Variants in DLG2 observed in about 807,000 individuals in gnomAD.
DLG2 encodes disks large homolog 2.
DLG2 carries 45 observed loss-of-function variants against 132.5 expected under a neutral mutation model. The ratio of observed to expected loss-of-function variants is 0.34; its 90% CI spans 0.27 to 0.44. DLG2 has a LOEUF of 0.44. Ranked by LOEUF, DLG2 falls within the 20% of genes least tolerant of loss-of-function variation. The pLI is 1.00. For synonymous variants in DLG2, 424 were observed against 419.6 expected, an observed-to-expected ratio of 1.01 and a Z score of -0.13; for missense variants, 1,045 against 1,196.9, an observed-to-expected ratio of 0.87 and a Z score of 1.87.
intron 3 of DLG2, among the ~76,000 whole-genome samples, chr11:85,384,460 T>A (rs900971059): frequency 6.6e-6 from 1 of 152,164 alleles, no homozygotes. Flanking sequence ...AAAAAGCTAG[T>A]TACTTAACTT....
intron 3 of DLG2, among the ~76,000 whole-genome samples, chr11:85,451,882 G>A (rs925103481): frequency 6.6e-6 from 1 of 151,976 alleles, no homozygotes; most frequent in Non-Finnish European, 1.5e-5. Flanking sequence ...ATATTGCTCT[G>A]TCATGGAAAT....
intron 14 of DLG2, among the ~76,000 whole-genome samples, chr11:83,951,978 G>A (rs779711325): frequency 3.9e-5 from 6 of 151,990 alleles, no homozygotes; most frequent in South Asian, 2.1e-4. Context: ...TATGAAAGGC[G>A]GAAAAAAAGA....
chr11:85,484,450 C>T (rs2093379818), intron 3 of DLG2, among the ~76,000 whole-genome samples: 1 of 151,110 alleles, frequency 6.6e-6, no homozygotes, highest in Non-Finnish European at 1.5e-5. Context: ...GCAACCTACT[C>T]ATCTGACAAA....
chr11:84,384,638 T>C (rs866403731), intron 7 of DLG2, among the ~76,000 whole-genome samples: 1 of 152,026 alleles, frequency 6.6e-6, no homozygotes, highest in Non-Finnish European at 1.5e-5. Context: ...TAATGAATTA[T>C]AGCCAATGAC....
intron 6 of DLG2, among the ~76,000 whole-genome samples, chr11:85,091,561 G>A (rs979259316): frequency 1.3e-5 from 2 of 152,088 alleles, no homozygotes; most frequent in African/African-American, 4.8e-5. Flanking sequence ...AACTTCTTTG[G>A]GAATTGGAGT....
At chr11:85,407,602 C>A (rs931477716) in intron 3 of DLG2, among the ~76,000 whole-genome samples, 1 of 151,786 alleles carries the variant, frequency 6.6e-6, no homozygotes, top group African/African-American at 2.4e-5. Context: ...GAACAGGAAT[C>A]ATATCACGGG....
intron 16 of DLG2, among the ~76,000 whole-genome samples, chr11:83,849,898 G>A (rs1351507229): frequency 1.3e-5 from 2 of 151,942 alleles, no homozygotes; most frequent in African/African-American, 4.8e-5. Flanking sequence ...CCAGTACCCA[G>A]CAAAATGTCT....
intron 6 of DLG2, among the ~76,000 whole-genome samples, chr11:85,064,566 T>A (rs538449494): frequency 1.3e-5 from 2 of 151,750 alleles, no homozygotes; most frequent in Non-Finnish European, 3.0e-5. Flanking sequence ...GATTATACCA[T>A]CCCCTAGGGA....
intron 8 of DLG2, among the ~76,000 whole-genome samples, chr11:84,198,317 A>G (rs2096549081): frequency 6.6e-6 from 1 of 152,194 alleles, no homozygotes; most frequent in African/African-American, 2.4e-5. Context: ...CACAAAATAT[A>G]GGAGTAACAA....
At chr11:84,410,898 G>A (rs1807337299) in intron 7 of DLG2, among the ~76,000 whole-genome samples, 1 of 152,072 alleles carries the variant, frequency 6.6e-6, no homozygotes. Context: ...AAATTTTTAA[G>A]AGCTTATGGA....
At chr11:83,762,476 T>A (rs1454331868) in intron 18 of DLG2, among the ~76,000 whole-genome samples, 1 of 152,216 alleles carries the variant, frequency 6.6e-6, no homozygotes, top group Non-Finnish European at 1.5e-5. Context: ...TACCTCACAT[T>A]TTGTATATAG....
At chr11:83,997,339 AG>A (rs1232704631) in intron 11 of DLG2, among the ~76,000 whole-genome samples, 1 of 152,136 alleles carries the variant, frequency 6.6e-6, no homozygotes, top group African/African-American at 2.4e-5. Flanking sequence ...AAATCATTCT[AG>A]GTCCAACAAT....
At chr11:85,427,954 A>T (rs2090890837) in intron 3 of DLG2, among the ~76,000 whole-genome samples, 1 of 149,670 alleles carries the variant, frequency 6.7e-6, no homozygotes, top group South Asian at 2.1e-4. Flanking sequence ...AATGGAAAAC[A>T]AAAAAAGGCA....
In DLG2 at chr11:85,055,107, T is replaced by G. The variant is rs116004044; in HGVS notation, c.357+56554A>C. Among the ~76,000 whole-genome samples, 896 of 152,326 alleles carry G rather than the reference T, an allele frequency of 5.9e-3. 8 individuals are homozygous for G. The highest frequency in any genetic ancestry group is 0.02 in the African/African-American group (817 of 41,570). On this transcript the variant is annotated intron_variant, in intron 6 of 27. Transcript: ENST00000376104. Reference sequence around the variant, plus strand: ...ATTCTAACACTATTTCTGTCATTAATTAGATGAATGAGTGACTTCAGACAA... The same window carrying G: ...ATTCTAACACTATTTCTGTCATTAAGTAGATGAATGAGTGACTTCAGACAA...
chr11:85,152,883 T>G, intron 5 of DLG2, among the ~76,000 whole-genome samples: 1 of 152,216 alleles, frequency 6.6e-6, no homozygotes, highest in East Asian at 1.9e-4. Context: ...TTACTTAGTC[T>G]CTTAATCAAC....
chr11:84,045,511 A>G (rs2154113198), intron 11 of DLG2, among the ~76,000 whole-genome samples: 1 of 151,874 alleles, frequency 6.6e-6, no homozygotes, highest in Admixed American at 6.6e-5. Flanking sequence ...ATAATATTCA[A>G]TTGTCTTATT....
chr11:84,325,200 G>T (rs1333816766), intron 7 of DLG2, among the ~76,000 whole-genome samples: 1 of 151,840 alleles, frequency 6.6e-6, no homozygotes, highest in Non-Finnish European at 1.5e-5. Context: ...TTCCTAATTT[G>T]TTGAGGTTTT....
intron 6 of DLG2, among the ~76,000 whole-genome samples, chr11:84,770,200 C>T (rs776486578): frequency 3.9e-5 from 6 of 152,126 alleles, no homozygotes; most frequent in Non-Finnish European, 8.8e-5. Flanking sequence ...CCCACTTCAC[C>T]TTCTCCCATG....
At chr11:83,859,333 C>A (rs55907402) in intron 16 of DLG2, among the ~76,000 whole-genome samples, 1,895 of 152,160 alleles carry the variant, frequency 0.012, 36 homozygotes, top group African/African-American at 0.043. Flanking sequence ...ATGGTTTTGA[C>A]CAAAATGCTG....
Sources: allele counts gnomAD v4.1 joint callset (sites outside exome capture counted in the v4.1 genomes callset), GRCh38; gene constraint gnomAD v4.1.1; transcripts MANE v1.5; gene names NCBI Gene and HGNC (gene_info 2026-07-23, HGNC 2026-07-21).